Variants in CEP290 observed in about 807,000 individuals in gnomAD.
CEP290 encodes centrosomal protein of 290 kDa.
A neutral mutation model predicts 344.9 loss-of-function variants in CEP290; 317 were observed. The ratio of observed to expected loss-of-function variants is 0.92; its 90% CI spans 0.84 to 1.01. The LOEUF (loss-of-function observed/expected upper bound fraction) is 1.01. Among genes scored for constraint, CEP290 ranks in the 50% least tolerant of loss-of-function variants. The pLI, the probability that CEP290 is intolerant of heterozygous loss-of-function variation, is 0.00. For synonymous variants in CEP290, 932 were observed against 895.8 expected, an observed-to-expected ratio of 1.04 and a Z score of -0.72; for missense variants, 2,754 against 2,761.4, an observed-to-expected ratio of 1.00 and a Z score of 0.06.
At chr12:88,131,088 T>C (rs1185561645) in intron 7 of CEP290, 77 bp downstream of exon 7, 1 of 1,161,432 alleles carries the variant, frequency 8.6e-7, no homozygotes, top group Non-Finnish European at 1.2e-6. Flanking sequence ...CTGGTTAAAA[T>C]ATAAATTTAT....
chr12:88,113,607 G>A (rs775387066), intron 20 of CEP290, among the ~76,000 whole-genome samples: 7 of 151,786 alleles, frequency 4.6e-5, no homozygotes, highest in Non-Finnish European at 1.0e-4. Flanking sequence ...GAAATAATAT[G>A]ACAATGTACG....
intron 32 of CEP290, 36 bp from the exon 33 acceptor site, chr12:88,086,534 G>A (rs1442462936): frequency 7.0e-6 from 10 of 1,426,454 alleles, no homozygotes; most frequent in South Asian, 2.5e-5. Context: ...ACACATACAC[G>A]AAGACATCAG....
rs374752439 is a variant in CEP290, at chr12:88,130,386, T to C, written c.551A>G (p.Gln184Arg). 23 of 1,609,846 alleles carry C rather than the reference T, an allele frequency of 1.4e-5. No homozygotes were observed. The highest frequency in any genetic ancestry group is 1.9e-5 in the Non-Finnish European group (22 of 1,178,550). Residue 184 changes from glutamine to arginine, a missense_variant, in exon 9 of 54, where the codon CAG becomes CGG. Gln to Arg is a conservative substitution (Grantham distance 43). Transcript: ENST00000552810. ...EQLCQDIIDY[Q>R]KQIDSQKETL... Reference sequence around the variant, plus strand: ...TTCTTTCTGTGAATCTATTTGTTTCTGGTAGTCAATAATATCCTGACAAAG... The same window carrying C: ...TTCTTTCTGTGAATCTATTTGTTTCCGGTAGTCAATAATATCCTGACAAAG...
intron 52 of CEP290, among the ~76,000 whole-genome samples, chr12:88,052,108 A>G (rs1192403855): frequency 2.6e-5 from 4 of 152,254 alleles, no homozygotes; most frequent in African/African-American, 7.2e-5. Flanking sequence ...GGCAATTAGC[A>G]TAGTGTCTAG....
Position 88,126,417 on chromosome 12 carries a change from C to T in CEP290, c.964G>A (p.Asp322Asn), listed in dbSNP as rs536127246. ...ATTTGCTGATACTCAATAATTTCAT[C>T]ATCTTTAGAAGACAAAATTAGCTAG... is the stretch of plus-strand genomic sequence containing the variant. ...EWKLILSSKD[D>N]EIIEYQQMLH... Residue 322 changes from aspartate to asparagine, a missense_variant, in exon 12 of 54, where the codon GAT becomes AAT. Asp to Asn is a conservative substitution (Grantham distance 23). Coordinates refer to ENST00000552810, the MANE Select transcript of CEP290 (RefSeq NM_025114.4). 4.6e-6 allele frequency: 7 copies of T among 1,509,584 alleles called. No homozygotes were observed. The East Asian group carries it at 1.8e-4, about 40-fold the overall frequency. 93.5% of individuals were successfully genotyped at this position (1,509,584 alleles called of 1,614,324 possible).
chr12:88,129,990 T>C lies in CEP290; in HGVS notation c.670-114A>G, dbSNP rs942840644. The C allele has an allele frequency of 2.8e-5, 20 of 711,000 alleles. No individual in the cohort carries two copies. In the Admixed American group the frequency reaches 4.1e-4, roughly 15 times the overall value. The allele number at this position is 711,000 out of a possible 1,614,324, so 44.0% of individuals were successfully genotyped here. The stretch of plus-strand genomic sequence containing the variant: ...TCCTCTAGAAAAAAAGAGAATTCTT[T>C]ATAGACCTTTACTAATTGGCATTGA... On this transcript the variant is annotated intron_variant, in intron 9 of 53. Coordinates refer to ENST00000552810, the MANE Select transcript of CEP290 (RefSeq NM_025114.4).
In CEP290 at chr12:88,084,629, T is replaced by A. The variant is rs756946490; in HGVS notation, c.4661A>T (p.Glu1554Val). The change falls in exon 35 of 54, where the codon GAA becomes GTA. Residue 1554 changes from glutamate (E) to valine (V), a missense_variant. Transcript: ENST00000552810. Reference protein sequence around the residue: ...NMQARLNQKEEVLKKYQRLLE... With the variant: ...NMQARLNQKEVVLKKYQRLLE... ...AAGACGTTGATACTTCTTTAATACTTCTTCTTTTTGATTTAACCTTGCTTG... is the reference window on the plus strand; with the variant it reads ...AAGACGTTGATACTTCTTTAATACTACTTCTTTTTGATTTAACCTTGCTTG... The A allele has an allele frequency of 3.7e-6, 6 of 1,613,046 alleles. No homozygotes were observed. In the South Asian group the frequency reaches 4.4e-5, roughly 12 times the overall value.
intron 41 of CEP290, among the ~76,000 whole-genome samples, chr12:88,074,915 C>T (rs1029984899): frequency 6.6e-6 from 1 of 152,164 alleles, no homozygotes; most frequent in African/African-American, 2.4e-5. Context: ...ATCTCTTAAC[C>T]TGTATCCTTT....
At chr12:88,129,930 T>A in intron 9 of CEP290, 54 bp from the exon 10 acceptor site, 4 of 1,125,514 alleles carry the variant, frequency 3.6e-6, no homozygotes, top group Non-Finnish European at 4.9e-6. Context: ...AAACTGAAAT[T>A]TAAACCAAAT....
At chr12:88,064,921 G>T (rs1237161357) in intron 44 of CEP290, among the ~76,000 whole-genome samples, 1 of 152,030 alleles carries the variant, frequency 6.6e-6, no homozygotes, top group Non-Finnish European at 1.5e-5. Context: ...TACTCCTTCG[G>T]AAAGCCCTCC....
In CEP290 at chr12:88,107,050, C is replaced by G; in HGVS notation, c.2532G>C (p.Lys844Asn). The change falls in exon 24 of 54, where the codon AAG (lysine) becomes AAC (asparagine). Residue 844 changes from lysine (K) to asparagine (N), a missense_variant. Transcript: ENST00000552810. ...KTESKTIKEEKRKLEDQVQQD... is the reference protein window; with the variant it reads ...KTESKTIKEENRKLEDQVQQD... ...GTTGGACTTGATCCTCAAGTTTTCTCTTTTCCTCTTTTATTGTTTTAGATT... is the reference window on the plus strand; with the variant it reads ...GTTGGACTTGATCCTCAAGTTTTCTGTTTTCCTCTTTTATTGTTTTAGATT... 1 of 1,552,966 alleles carries G rather than the reference C, an allele frequency of 6.4e-7. No individual in the cohort carries two copies.
intron 50 of CEP290, among the ~76,000 whole-genome samples, chr12:88,054,801 T>G (rs566992204): frequency 2.0e-4 from 31 of 152,198 alleles, no homozygotes; most frequent in African/African-American, 7.5e-4. Context: ...GGGTTAGGGT[T>G]AGGGTTAGGG....
chr12:88,141,107 G>A, intron 2 of CEP290, 74 bp from the exon 3 acceptor site: 1 of 1,317,828 alleles, frequency 7.6e-7, no homozygotes, highest in Non-Finnish European at 1.0e-6. Context: ...TCCAGATTGT[G>A]ACAATTATAG....
At chr12:88,091,439 G>C (rs2037036127) in intron 29 of CEP290, among the ~76,000 whole-genome samples, 1 of 150,072 alleles carries the variant, frequency 6.7e-6, no homozygotes, top group South Asian at 2.1e-4. Flanking sequence ...ATGGTAATAA[G>C]TCCTTCAAAT....
At position 88,118,465 on chromosome 12, in the gene CEP290, T is replaced by C. The variant is rs2137866354; in HGVS notation, c.1711+18A>G. ...TTATCAATAATTCTTTTTAAAGGTTTAGAATAACTGAGTATACCTGAAGTT... is the reference window on the plus strand; with the variant it reads ...TTATCAATAATTCTTTTTAAAGGTTCAGAATAACTGAGTATACCTGAAGTT... On this transcript the variant is annotated intron_variant, in intron 17 of 53. Transcript: ENST00000552810. 6.5e-7 allele frequency: 1 copy of C among 1,529,126 alleles called. No individual in the cohort carries two copies. Among genetic ancestry groups the C allele is most frequent in the Non-Finnish European group, 8.8e-7 (1 of 1,130,268 alleles). 94.7% of individuals were successfully genotyped at this position (1,529,126 alleles called of 1,614,324 possible).
rs757243626 is a variant in CEP290, at chr12:88,141,197, A to G, written c.102+9T>C. The G allele has an allele frequency of 3.1e-6, 5 of 1,593,568 alleles. No individual in the cohort carries two copies. Among genetic ancestry groups the G allele is most frequent in the Non-Finnish European group, 4.3e-6 (5 of 1,167,568 alleles). On this transcript the variant is annotated intron_variant, in intron 2 of 53. Transcript: ENST00000552810. ...TGTATATATCTATTATTATTGACCA[A>G]TTAAGCACCTTGGATAAGGAAATCA... is the stretch of plus-strand genomic sequence containing the variant.
intron 43 of CEP290, among the ~76,000 whole-genome samples, chr12:88,069,355 T>C (rs2035189000): frequency 6.6e-6 from 1 of 152,036 alleles, no homozygotes; most frequent in Admixed American, 6.6e-5. Flanking sequence ...AGTATTCCAA[T>C]TACTTCAGCC....
intron 12 of CEP290, 23 bp downstream of exon 12, chr12:88,126,293 A>G: frequency 7.0e-7 from 1 of 1,431,490 alleles, no homozygotes; most frequent in Non-Finnish European, 9.1e-7. Context: ...TGGTTGATAA[A>G]CAAAATTCTG....
Position 88,049,245 on chromosome 12 carries a change from A to G in CEP290, c.7379T>C (p.Val2460Ala). Reference sequence around the variant, plus strand: ...ATCTTCAAACTCTTCAGAAGCAGCAACAGGGCTAGTTAATTCAACTCCCAA... The same window carrying G: ...ATCTTCAAACTCTTCAGAAGCAGCAGCAGGGCTAGTTAATTCAACTCCCAA... ...EQLGVELTSP[V>A]AASEEFEDEE... The change falls in exon 54 of 54, where the codon GTT becomes GCT. Residue 2460 changes from valine to alanine, a missense_variant. Transcript: ENST00000552810. 1 of 1,609,294 alleles carries G rather than the reference A, an allele frequency of 6.2e-7. No individual in the cohort carries two copies. Among genetic ancestry groups the G allele is most frequent in the Non-Finnish European group, 8.5e-7 (1 of 1,178,680 alleles).
Sources: gnomAD v4.1 joint callset for allele counts (sites outside exome capture counted in the v4.1 genomes callset) on GRCh38, gnomAD v4.1.1 for gene constraint, MANE v1.5 for transcripts, NCBI Gene and HGNC (gene_info 2026-07-23, HGNC 2026-07-21) for gene names.